The following ANO5 variants were observed in gnomAD, a reference collection of about 807,000 sequenced individuals.
ANO5 encodes anoctamin-5.
In ANO5, 109 loss-of-function variants were observed where a neutral mutation model predicts 121.0. The ratio of observed to expected loss-of-function variants is 0.90; its 90% CI spans 0.77 to 1.06. The LOEUF (loss-of-function observed/expected upper bound fraction) is 1.06. ANO5 is among the 50% of genes least tolerant of loss of function. The pLI, the probability that ANO5 is intolerant of heterozygous loss-of-function variation, is 0.00. For synonymous variants in ANO5, 406 were observed against 359.9 expected (o/e 1.13, Z -1.45); for missense variants, 1,064 against 1,078.5 (o/e 0.99, Z 0.19).
intron 7 of ANO5, among the ~76,000 whole-genome samples, chr11:22,233,710 C>T (rs1853119518): frequency 6.6e-6 from 1 of 152,214 alleles, no homozygotes; most frequent in African/African-American, 2.4e-5. Flanking sequence ...GGAGCAGGAA[C>T]ATTGTACCTG....
At position 22,227,590 on chromosome 11, in the gene ANO5, G is replaced by C. The variant is rs144441862; in HGVS notation, c.648+4G>C. 6.2e-7 allele frequency: 1 copy of C among 1,613,184 alleles called. No individual in the cohort carries two copies. The highest frequency in any genetic ancestry group is 2.2e-5 in the East Asian group (1 of 44,828). ...ATCCTCATCAAGAAACAGAATTGTA[G>C]GTAGAGAAGACCTTTGGGCACATCC... On this transcript the variant is annotated splice_donor_region_variant and intron_variant, in intron 7 of 21. Transcript: ENST00000324559.
intron 13 of ANO5, 55 bp downstream of exon 13, chr11:22,255,577 G>A (rs1853976823): frequency 2.5e-6 from 4 of 1,587,002 alleles, no homozygotes; most frequent in Non-Finnish European, 3.5e-6. Flanking sequence ...CACTGCTATA[G>A]GTTTCTTCTC....
intron 2 of ANO5, among the ~76,000 whole-genome samples, chr11:22,208,652 T>G (rs561284404): frequency 6.6e-6 from 1 of 152,118 alleles, no homozygotes; most frequent in South Asian, 2.1e-4. Flanking sequence ...GACCTCCAAC[T>G]ATACAGAGAC....
At chr11:22,250,453 TTTCC>T (rs1853773264) in intron 10 of ANO5, 82 bp downstream of exon 10, 2 of 1,562,896 alleles carry the variant, frequency 1.3e-6, no homozygotes, top group Non-Finnish European at 1.7e-6. Context: ...TTCCCTGGCA[TTTCC>T]TTCAGAATGT....
chr11:22,196,826 G>A (rs963650504), intron 1 of ANO5, among the ~76,000 whole-genome samples: 9 of 151,934 alleles, frequency 5.9e-5, no homozygotes, highest in African/African-American at 9.7e-5. Context: ...CCAAGATTGC[G>A]CCACTACACT....
Position 22,239,523 on chromosome 11 carries a change from G to T in ANO5, c.763-46G>T, listed in dbSNP as rs76657996. ...AGCAGTGTTTATTTACTTCGTCTTT[G>T]TCTTTTGCTTCGTCTTTTATGTACC... On this transcript the variant is annotated intron_variant, in intron 8 of 21. Transcript: ENST00000324559. 19,457 of 1,375,966 alleles carry T rather than the reference G, an allele frequency of 0.014. 1,227 individuals carry two copies. The East Asian group carries it at 0.2, about 14-fold the overall frequency. 85.2% of individuals were successfully genotyped at this position (1,375,966 alleles called of 1,614,324 possible).
At chr11:22,276,590 A>C (rs576731908) in intron 21 of ANO5, among the ~76,000 whole-genome samples, 2 of 151,878 alleles carry the variant, frequency 1.3e-5, no homozygotes, top group South Asian at 4.1e-4. Context: ...AGATTCAGCA[A>C]AAATAAGTAG....
At position 22,230,227 on chromosome 11, in the gene ANO5, AT is replaced by A. The variant is rs1267878329; in HGVS notation, c.648+2643del. On this transcript the variant is annotated intron_variant, in intron 7 of 21. Transcript: ENST00000324559. Reference sequence around the variant, plus strand: ...CTTACACTATCAATATGAGATTTAAATTGAACATATGGCCAAGGAATTTCTA... The same window carrying A: ...CTTACACTATCAATATGAGATTTAAATGAACATATGGCCAAGGAATTTCTA... Among the ~76,000 whole-genome samples, 4 of 152,074 alleles carry A rather than the reference AT, an allele frequency of 2.6e-5. No individual in the cohort carries two copies. In the South Asian group the frequency reaches 6.2e-4, roughly 24 times the overall value.
chr11:22,226,831 A>C (rs1852851142), intron 6 of ANO5, among the ~76,000 whole-genome samples: 1 of 152,150 alleles, frequency 6.6e-6, no homozygotes, highest in Admixed American at 6.5e-5. Flanking sequence ...TGTTACCTAA[A>C]GTTCTTCCTC....
Position 22,221,136 on chromosome 11 carries a change from CGA to C in ANO5, c.223_224del (p.Asp75TrpfsTer3), listed in dbSNP as rs1852634361. 1 of 1,611,614 alleles carries C rather than the reference CGA, an allele frequency of 6.2e-7. No homozygotes were observed. Among genetic ancestry groups the C allele is most frequent in the African/African-American group, 1.3e-5 (1 of 74,770 alleles). ...NQQSKDSIFF[R>X]DGIRQIDFVL... is the part of the protein sequence containing the mutation. Reference sequence around the variant, plus strand: ...GCAAAGCAAAGATTCTATCTTCTTCCGAGATGGGATTAGGCAAATTGATTTTG... The same window carrying C: ...GCAAAGCAAAGATTCTATCTTCTTCCGATGGGATTAGGCAAATTGATTTTG... On this transcript the variant is annotated frameshift_variant, in exon 5 of 22. Transcript: ENST00000324559. LOFTEE classifies it high-confidence loss of function.
chr11:22,194,867 T>A (rs563079867), intron 1 of ANO5, among the ~76,000 whole-genome samples: 1 of 152,348 alleles, frequency 6.6e-6, no homozygotes, highest in Admixed American at 6.5e-5. Context: ...CACTTTCTTT[T>A]GCTTCTATGA....
chr11:22,231,534 ATC>A (rs1853041244), intron 7 of ANO5, among the ~76,000 whole-genome samples: 1 of 151,898 alleles, frequency 6.6e-6, no homozygotes, highest in South Asian at 2.1e-4. Context: ...ATATTAATCT[ATC>A]TATTCATTTT....
chr11:22,193,684 C>G (rs1339598808), intron 1 of ANO5, 152 bp downstream of exon 1: 2 of 1,059,520 alleles, frequency 1.9e-6, no homozygotes, highest in African/African-American at 3.2e-5. Flanking sequence ...GAAACCGGGA[C>G]TGCGGGGCAG....
chr11:22,201,703 C>T (rs746043205), intron 1 of ANO5, among the ~76,000 whole-genome samples: 13 of 152,162 alleles, frequency 8.5e-5, no homozygotes, highest in South Asian at 2.1e-4. Flanking sequence ...GGTGAGAGAG[C>T]ATGCACACAT....
At chr11:22,243,203 G>T (rs2133679129) in intron 9 of ANO5, among the ~76,000 whole-genome samples, 1 of 152,104 alleles carries the variant, frequency 6.6e-6, no homozygotes, top group Non-Finnish European at 1.5e-5. Flanking sequence ...TCCTATTTAT[G>T]TGGTGAATCA....
intron 17 of ANO5, among the ~76,000 whole-genome samples, chr11:22,263,755 G>C (rs766649199): frequency 1.3e-5 from 2 of 152,222 alleles, no homozygotes; most frequent in South Asian, 4.2e-4. Context: ...GAGTAAAAGT[G>C]CTCCACTTAA....
intron 7 of ANO5, among the ~76,000 whole-genome samples, chr11:22,229,455 G>T (rs1285654171): frequency 6.6e-6 from 1 of 151,616 alleles, no homozygotes; most frequent in Non-Finnish European, 1.5e-5. Flanking sequence ...CCTAAGTCAG[G>T]ATTTATGGGA....
At chr11:22,212,460 T>C (rs1852313234) in intron 3 of ANO5, among the ~76,000 whole-genome samples, 1 of 152,004 alleles carries the variant, frequency 6.6e-6, no homozygotes, top group Non-Finnish European at 1.5e-5. Flanking sequence ...CATTTTATTT[T>C]TCTGCATGGA....
At chr11:22,276,437 G>T (rs1036827088) in intron 21 of ANO5, among the ~76,000 whole-genome samples, 3 of 151,604 alleles carry the variant, frequency 2.0e-5, no homozygotes, top group Admixed American at 1.3e-4. Flanking sequence ...AACAAATATG[G>T]TTTTTTTCCC....
Sources: allele counts gnomAD v4.1 joint callset (sites outside exome capture counted in the v4.1 genomes callset), GRCh38; gene constraint gnomAD v4.1.1; transcripts MANE v1.5; gene names NCBI Gene and HGNC (gene_info 2026-07-23, HGNC 2026-07-21).